The following ANO3 variants were observed in gnomAD, a reference collection of about 807,000 sequenced individuals.
The protein encoded by ANO3 is anoctamin-3.
In ANO3, 99 loss-of-function variants were observed where a neutral mutation model predicts 144.8. That is an observed-to-expected ratio of 0.68 (90% CI 0.58 to 0.81). The LOEUF (loss-of-function observed/expected upper bound fraction) is 0.81, where lower values mean the gene tolerates loss of function less well. Among genes scored for constraint, ANO3 ranks in the 30% least tolerant of loss-of-function variants. The pLI, the probability that ANO3 is intolerant of heterozygous loss-of-function variation, is 0.00. For missense variants in ANO3, 905 were observed against 1,202.2 expected, an observed-to-expected ratio of 0.75 and a Z score of 3.66; for synonymous variants, 414 against 392.6, an observed-to-expected ratio of 1.05 and a Z score of -0.64.
intron 17 of ANO3, among the ~76,000 whole-genome samples, chr11:26,610,394 T>A (rs56396942): frequency 4.3e-4 from 66 of 151,794 alleles, no homozygotes; most frequent in African/African-American, 1.6e-3. Context: ...AATTTTCTAA[T>A]CAGGTTATTT....
intron 1 of ANO3, among the ~76,000 whole-genome samples, chr11:26,300,657 G>A (rs1231134843): frequency 6.6e-6 from 1 of 152,106 alleles, no homozygotes; most frequent in African/African-American, 2.4e-5. Context: ...TTATAGATAT[G>A]TGTCTGTGGA....
At chr11:26,398,063 A>C (rs1857061681) in intron 1 of ANO3, among the ~76,000 whole-genome samples, 1 of 152,098 alleles carries the variant, frequency 6.6e-6, no homozygotes. Flanking sequence ...ACTGTATTGC[A>C]TATGAAATGT....
chr11:26,462,993 A>G (rs1231422500), intron 3 of ANO3, 37 bp from the exon 4 acceptor site: 1 of 1,121,436 alleles, frequency 8.9e-7, no homozygotes, highest in Non-Finnish European at 1.3e-6. Flanking sequence ...GAGAAAAACT[A>G]TAGAAATGGA....
At chr11:26,371,757 T>G (rs1384013196) in intron 1 of ANO3, among the ~76,000 whole-genome samples, 1 of 152,218 alleles carries the variant, frequency 6.6e-6, no homozygotes. Context: ...GATTTCAGAC[T>G]TGTATGAGGC....
chr11:26,617,971 A>G (rs1484325405), intron 17 of ANO3, among the ~76,000 whole-genome samples: 2 of 152,186 alleles, frequency 1.3e-5, no homozygotes, highest in African/African-American at 2.4e-5. Context: ...TATACCATCA[A>G]AAGTATTTAT....
At position 26,553,334 on chromosome 11, in the gene ANO3, A is replaced by G; in HGVS notation, c.1375A>G (p.Ile459Val). 1.2e-6 allele frequency: 2 copies of G among 1,610,412 alleles called. No homozygotes were observed. The highest frequency in any genetic ancestry group is 3.3e-4 in the Middle Eastern group (2 of 6,042). Reference sequence around the variant, plus strand: ...CCTGCAGAGACTCAACGACAGCTGTATCTATGCCAAGGTGAGTGTGGACCC... The same window carrying G: ...CCTGCAGAGACTCAACGACAGCTGTGTCTATGCCAAGGTGAGTGTGGACCC... ...CSLQRLNDSC[I>V]YAKVTYLFDN... is the part of the protein sequence containing the mutation. Residue 459 changes from isoleucine (I) to valine (V), a missense_variant, in exon 13 of 27, where the codon ATC (isoleucine) becomes GTC (valine). Ile to Val is a conservative substitution (Grantham distance 29, BLOSUM62 3). Transcript: ENST00000256737.
At chr11:26,207,986 T>C (rs1004799068) in intron 1 of ANO3, 1 of 152,044 alleles carries the variant, frequency 6.6e-6, no homozygotes, top group East Asian at 1.9e-4. Flanking sequence ...GGGTGGAAAG[T>C]TCAAGATCAT....
chr11:26,622,335 G>T, intron 17 of ANO3, among the ~76,000 whole-genome samples: 1 of 151,944 alleles, frequency 6.6e-6, no homozygotes, highest in East Asian at 1.9e-4. Context: ...AGGGCTGGGC[G>T]TGGTGGCTCA....
intron 5 of ANO3, among the ~76,000 whole-genome samples, 161 bp from the exon 6 acceptor site, chr11:26,516,666 C>T (rs561417879): frequency 1.1e-3 from 170 of 149,834 alleles, no homozygotes; most frequent in Admixed American, 3.3e-3. Flanking sequence ...CAAGGTCTTT[C>T]TTCATTAAGA....
At chr11:26,263,696 T>C (rs1295003407) in intron 1 of ANO3, among the ~76,000 whole-genome samples, 1 of 152,236 alleles carries the variant, frequency 6.6e-6, no homozygotes. Flanking sequence ...TTTTTCTTAG[T>C]ATTTTTAAAA....
chr11:26,424,246 T>TC (rs34385420), intron 1 of ANO3, among the ~76,000 whole-genome samples: 13 of 145,642 alleles, frequency 8.9e-5, no homozygotes, highest in South Asian at 6.3e-4. Context: ...GACTAAAATC[T>TC]CCCCCCCCAC....
intron 14 of ANO3, among the ~76,000 whole-genome samples, chr11:26,590,838 G>T (rs940675543): frequency 1.4e-4 from 22 of 152,250 alleles, no homozygotes; most frequent in African/African-American, 5.3e-4. Flanking sequence ...GCAAGCGAAA[G>T]CTCAGCTTGA....
At chr11:26,230,441 A>T (rs1246979514) in intron 1 of ANO3, among the ~76,000 whole-genome samples, 2 of 152,142 alleles carry the variant, frequency 1.3e-5, no homozygotes, top group Non-Finnish European at 2.9e-5. Flanking sequence ...ATATTCTTTC[A>T]ATTTCATATT....
chr11:26,341,789 G>T (rs1351992840), intron 1 of ANO3, among the ~76,000 whole-genome samples: 1 of 152,156 alleles, frequency 6.6e-6, no homozygotes, highest in African/African-American at 2.4e-5. Flanking sequence ...GGAATCCCTG[G>T]CAAACCACTG....
chr11:26,387,872 G>T (rs571395246), intron 1 of ANO3, among the ~76,000 whole-genome samples: 2 of 152,126 alleles, frequency 1.3e-5, no homozygotes, highest in Middle Eastern at 3.4e-3. Flanking sequence ...AGCTTTAGTT[G>T]TCCAAGCTTA....
chr11:26,575,442 T>G (rs911045845), intron 14 of ANO3, among the ~76,000 whole-genome samples: 3 of 151,944 alleles, frequency 2.0e-5, no homozygotes, highest in African/African-American at 7.2e-5. Context: ...TATTTTGAAG[T>G]AGAAATTGGA....
intron 1 of ANO3, among the ~76,000 whole-genome samples, chr11:26,236,817 C>CA (rs55979503): frequency 0.061 from 5,223 of 86,054 alleles, 242 homozygotes; most frequent in Non-Finnish European, 0.078. Context: ...GACTCCGTCT[C>CA]AAAAAAAAAA....
intron 3 of ANO3, among the ~76,000 whole-genome samples, chr11:26,457,630 A>G (rs1229218804): frequency 6.6e-6 from 1 of 152,132 alleles, no homozygotes; most frequent in Admixed American, 6.6e-5. Flanking sequence ...ACGTTAAAAA[A>G]CTGTAACGGA....
At chr11:26,233,044 G>A (rs1182437305) in intron 1 of ANO3, among the ~76,000 whole-genome samples, 1 of 151,884 alleles carries the variant, frequency 6.6e-6, no homozygotes, top group African/African-American at 2.4e-5. Flanking sequence ...GTGAAACCCC[G>A]TCTCTACTAA....
Sources: allele counts gnomAD v4.1 joint callset (sites outside exome capture counted in the v4.1 genomes callset), GRCh38; gene constraint gnomAD v4.1.1; transcripts MANE v1.5; gene names NCBI Gene and HGNC (gene_info 2026-07-23, HGNC 2026-07-21).